The following ENTHD1 variants were observed in gnomAD, a reference collection of about 807,000 sequenced individuals.
ENTHD1 encodes ENTH domain-containing protein 1.
ENTHD1 carries 23 observed loss-of-function variants against 39.1 expected under a neutral mutation model. The ratio of observed to expected loss-of-function variants is 0.59; its 90% CI spans 0.42 to 0.83. ENTHD1 has a LOEUF of 0.83. Among genes scored for constraint, ENTHD1 ranks in the 40% least tolerant of loss-of-function variants. The pLI, the probability that ENTHD1 is intolerant of heterozygous loss-of-function variation, is 0.00. For synonymous variants in ENTHD1, 230 were observed against 258.2 expected, an observed-to-expected ratio of 0.89 and a Z score of 1.05; for missense variants, 624 against 705.4, an observed-to-expected ratio of 0.88 and a Z score of 1.31.
intron 2 of ENTHD1, among the ~76,000 whole-genome samples, chr22:39,870,441 A>G (rs982033235): frequency 2.0e-5 from 3 of 152,182 alleles, no homozygotes; most frequent in African/African-American, 7.2e-5. Context: ...TTCAAAAGAA[A>G]ATTAAGGTAA....
intron 5 of ENTHD1, among the ~76,000 whole-genome samples, chr22:39,769,132 T>C (rs1027956607): frequency 1.3e-5 from 2 of 151,882 alleles, no homozygotes; most frequent in East Asian, 3.9e-4. Context: ...GTATGTACAA[T>C]AAACACATAA....
At chr22:39,878,162 A>G (rs2066306719) in intron 2 of ENTHD1, among the ~76,000 whole-genome samples, 1 of 152,228 alleles carries the variant, frequency 6.6e-6, no homozygotes, top group Non-Finnish European at 1.5e-5. Flanking sequence ...ACAGAAATGA[A>G]GAATGCCTTT....
At chr22:39,762,181 T>C (rs1017897243) in intron 6 of ENTHD1, among the ~76,000 whole-genome samples, 1 of 152,176 alleles carries the variant, frequency 6.6e-6, no homozygotes, top group Admixed American at 6.6e-5. Context: ...TCAGACTCGC[T>C]GGGGTCCCCC....
chr22:39,750,259 T>G (rs1601565070), intron 6 of ENTHD1: 1 of 184,414 alleles, frequency 5.4e-6, no homozygotes, highest in East Asian at 1.3e-4. Context: ...CAATTTTGAG[T>G]TGATCCAGTT....
intron 5 of ENTHD1, among the ~76,000 whole-genome samples, chr22:39,818,349 C>T (rs752470129): frequency 2.6e-5 from 4 of 152,172 alleles, no homozygotes; most frequent in Admixed American, 6.6e-5. Flanking sequence ...CAGAGACAAG[C>T]CATCGCCACT....
chr22:39,819,132 T>G (rs897207378), intron 5 of ENTHD1, among the ~76,000 whole-genome samples: 1 of 152,010 alleles, frequency 6.6e-6, no homozygotes, highest in African/African-American at 2.4e-5. Context: ...TTTGGGAGGC[T>G]GAGGTGGGTG....
rs1464220598 is a variant in ENTHD1, at chr22:39,862,505, A to T, written c.350-498T>A. Among the ~76,000 whole-genome samples the T allele has an allele frequency of 2.7e-5, 4 of 149,730 alleles. No individual in the cohort carries two copies. In the Admixed American group the frequency reaches 2.7e-4, roughly 10 times the overall value. On this transcript the variant is annotated intron_variant, in intron 2 of 6. Transcript: ENST00000325157. ...AGAGGTTGCAGTGAGCTGAGATTGC[A>T]CCACTGCACTCCAGCTTGGCAAGAG...
At chr22:39,758,745 A>T (rs780410805) in intron 6 of ENTHD1, among the ~76,000 whole-genome samples, 9 of 152,144 alleles carry the variant, frequency 5.9e-5, no homozygotes, top group Non-Finnish European at 1.3e-4. Context: ...TACCCTTTAA[A>T]AATATATACC....
chr22:39,805,984 C>T (rs1342298424), intron 5 of ENTHD1, among the ~76,000 whole-genome samples: 1 of 152,182 alleles, frequency 6.6e-6, no homozygotes, highest in African/African-American at 2.4e-5. Flanking sequence ...TAAGTTACTA[C>T]TAAGACAGCT....
chr22:39,755,054 ATG>A (rs1333362362), intron 6 of ENTHD1, among the ~76,000 whole-genome samples: 34 of 152,202 alleles, frequency 2.2e-4, no homozygotes, highest in Non-Finnish European at 2.4e-4. Flanking sequence ...AATACTGACT[ATG>A]TGCAAGCTAC....
Position 39,888,444 on chromosome 22 carries a change from T to C in ENTHD1, c.-155-541A>G, listed in dbSNP as rs1321473508. ...CACCATGCCTGGCTATTTTTTTTTT[T>C]GGAGATAGAGTCTCCCTCTGTTGCC... On this transcript the variant is annotated intron_variant, in intron 1 of 6. Transcript: ENST00000325157. Among the ~76,000 whole-genome samples the C allele has an allele frequency of 3.3e-5, 5 of 151,772 alleles. No individual in the cohort carries two copies. The South Asian group carries it at 8.3e-4, about 25-fold the overall frequency.
chr22:39,771,065 A>G (rs531432477), intron 5 of ENTHD1, among the ~76,000 whole-genome samples: 12 of 152,284 alleles, frequency 7.9e-5, no homozygotes, highest in Admixed American at 7.8e-4. Flanking sequence ...TTTTCAGATT[A>G]GGTGTGCTTA....
intron 2 of ENTHD1, among the ~76,000 whole-genome samples, chr22:39,868,081 C>T (rs1423319463): frequency 6.6e-6 from 1 of 151,382 alleles, no homozygotes; most frequent in Non-Finnish European, 1.5e-5. Flanking sequence ...TGAGAGAAGC[C>T]TGGGAAGAAA....
Position 39,802,359 on chromosome 22 carries a change from T to C in ENTHD1, c.832+18634A>G, listed in dbSNP as rs80066405. Among the ~76,000 whole-genome samples, 495 of 152,356 alleles carry C rather than the reference T, an allele frequency of 3.2e-3. 10 individuals are homozygous for C. Among genetic ancestry groups the C allele is most frequent in the African/African-American group, 0.011 (471 of 41,582 alleles). On this transcript the variant is annotated intron_variant, in intron 5 of 6. Transcript: ENST00000325157. ...AATTAACAGCCATGTAGAAATGTGA[T>C]TGGACAAAAGGGAATGGTCAGATGC...
At chr22:39,806,757 G>T (rs2065644098) in intron 5 of ENTHD1, among the ~76,000 whole-genome samples, 1 of 152,132 alleles carries the variant, frequency 6.6e-6, no homozygotes, top group Non-Finnish European at 1.5e-5. Flanking sequence ...GAGCCCAGAG[G>T]AGGAGAACAA....
intron 2 of ENTHD1, among the ~76,000 whole-genome samples, chr22:39,879,967 C>A (rs755119793): frequency 6.6e-6 from 1 of 152,236 alleles, no homozygotes; most frequent in Non-Finnish European, 1.5e-5. Flanking sequence ...ATGGCTCATG[C>A]CTATAATTCC....
chr22:39,757,461 C>T (rs2065194105), intron 6 of ENTHD1, among the ~76,000 whole-genome samples: 3 of 151,868 alleles, frequency 2.0e-5, no homozygotes, highest in Admixed American at 2.0e-4. Flanking sequence ...TAAAAATTTT[C>T]GGCCAGGTGC....
intron 5 of ENTHD1, among the ~76,000 whole-genome samples, chr22:39,806,418 G>A (rs949618668): frequency 6.6e-6 from 1 of 152,140 alleles, no homozygotes; most frequent in Admixed American, 6.5e-5. Context: ...CAGTGTGCTG[G>A]CCATGCTGCT....
chr22:39,861,859 G>A lies in ENTHD1; in HGVS notation c.498C>T (p.Asn166=). Residue 166 remains asparagine (N), a synonymous_variant, in exon 3 of 7, where the codon AAC becomes AAT. Coordinates refer to ENST00000325157, the MANE Select transcript of ENTHD1 (RefSeq NM_152512.4). The part of the protein sequence containing the change: ...LFSKRQLGSS[N]SLTACTSAPT... The stretch of plus-strand genomic sequence containing the variant: ...GGGCAGAAGTGCACGCTGTCAGTGA[G>A]TTACTTGAACCAAGTTGTCTTTTAG... The A allele has an allele frequency of 6.2e-7, 1 of 1,606,132 alleles. No individual in the cohort carries two copies. The highest frequency in any genetic ancestry group is 8.5e-7 in the Non-Finnish European group (1 of 1,174,594).
Sources: allele counts gnomAD v4.1 joint callset (sites outside exome capture counted in the v4.1 genomes callset), GRCh38; gene constraint gnomAD v4.1.1; transcripts MANE v1.5; gene names NCBI Gene and HGNC (gene_info 2026-07-23, HGNC 2026-07-21).